The following HSPD1 variants were observed in gnomAD, a reference collection of about 807,000 sequenced individuals.
HSPD1 encodes heat shock protein family D (Hsp60) member 1.
Under a neutral mutation model 53.0 loss-of-function variants are expected in HSPD1, and 3 were observed. That is an observed-to-expected ratio of 0.06 (90% confidence interval 0.03 to 0.15). The LOEUF (loss-of-function observed/expected upper bound fraction) is 0.15, where lower values mean the gene tolerates loss of function less well. Among genes scored for constraint, HSPD1 ranks in the 10% least tolerant of loss-of-function variants. The pLI is 1.00. For missense variants in HSPD1, 431 were observed against 694.1 expected (o/e 0.62, Z 4.26); for synonymous variants, 200 against 228.0 (o/e 0.88, Z 1.10).
In HSPD1 at chr2:197,498,787, T is replaced by G. The variant is rs780655407; in HGVS notation, c.62A>C (p.His21Pro). 3.1e-6 allele frequency: 5 copies of G among 1,614,166 alleles called. No homozygotes were observed. Among genetic ancestry groups the G allele is most frequent in the Non-Finnish European group, 3.4e-6 (4 of 1,180,018 alleles). The change falls in exon 2 of 12, where the codon CAT (histidine) becomes CCT (proline). Residue 21 changes from histidine (H) to proline (P), a missense_variant. Transcript: ENST00000388968. Reference protein sequence around the residue: ...MRPVSRVLAPHLTRAYAKDVK... With the variant: ...MRPVSRVLAPPLTRAYAKDVK... ...ATCTTTGGCATAAGCCCGAGTGAGA[T>G]GAGGAGCCAGTACCCTGGACACCGG...
In HSPD1 at chr2:197,489,029, T is replaced by G; in HGVS notation, c.1188A>C (p.Lys396Asn). Residue 396 changes from lysine to asparagine, a missense_variant, in exon 9 of 12, where the codon AAA becomes AAC. Coordinates refer to ENST00000388968, the MANE Select transcript of HSPD1 (RefSeq NM_002156.5). ...TCAGCACAGCCACTCCATCTGAAAG[T>G]TTTGCAAGCCGTTCATTCAGTTTTT... ...EKEKLNERLAKLSDGVAVLKV... is the reference protein window; with the variant it reads ...EKEKLNERLANLSDGVAVLKV... 1 of 1,613,948 alleles carries G rather than the reference T, an allele frequency of 6.2e-7. No homozygotes were observed. Among genetic ancestry groups the G allele is most frequent in the Non-Finnish European group, 8.5e-7 (1 of 1,179,848 alleles).
rs777390686 is a variant in HSPD1 at position 197,493,338 on chromosome 2, T to A, written c.855A>T (p.Thr285=). The A allele has an allele frequency of 1.2e-5, 20 of 1,611,772 alleles. No homozygotes were observed. The highest frequency in any genetic ancestry group is 1.6e-5 in the Non-Finnish European group (19 of 1,179,254). Residue 285 remains threonine, a synonymous_variant, in exon 7 of 12, where the codon ACA becomes ACT. Transcript: ENST00000388968. ...CTGCTTATTACCTATTCAAGACGAG[T>A]GTACTTAGAGCTTCTCCATCAACAT... is the stretch of plus-strand genomic sequence containing the variant. ...AEDVDGEALS[T]LVLNRLKVGL...
rs575744760 is a variant in HSPD1, at chr2:197,495,450, T to C, written c.428-74A>G. 1.1e-5 allele frequency: 12 copies of C among 1,089,450 alleles called. No homozygotes were observed. In the Admixed American group the frequency reaches 2.1e-4, roughly 20 times the overall value. 67.5% of individuals were successfully genotyped at this position (1,089,450 alleles called of 1,614,324 possible). Reference sequence around the variant, plus strand: ...CTATGTCAAGTAGAAATCTTGAGATTTGTGACAAATATTTTAATGCCTTAA... The same window carrying C: ...CTATGTCAAGTAGAAATCTTGAGATCTGTGACAAATATTTTAATGCCTTAA... On this transcript the variant is annotated intron_variant, in intron 3 of 11. Transcript: ENST00000388968.
chr2:197,489,045 T>C lies in HSPD1; in HGVS notation c.1172A>G (p.Asn391Ser). The C allele has an allele frequency of 6.2e-7, 1 of 1,613,932 alleles. No homozygotes were observed. The change falls in exon 9 of 12, where the codon AAT (asparagine) becomes AGT (serine). Residue 391 changes from asparagine (N) to serine (S), a missense_variant. By Grantham distance (46) the Asn-to-Ser change is conservative. Coordinates refer to ENST00000388968, the MANE Select transcript of HSPD1 (RefSeq NM_002156.5). ...TTSEYEKEKL[N>S]ERLAKLSDGV... ...ATCTGAAAGTTTTGCAAGCCGTTCA[T>C]TCAGTTTTTCCTTTTCATATTCACT... is the stretch of plus-strand genomic sequence containing the variant.
chr2:197,487,187 A>G lies in HSPD1; in HGVS notation c.1581T>C (p.Thr527=). 6.2e-7 allele frequency: 1 copy of G among 1,613,402 alleles called. No individual in the cohort carries two copies. ...GIIDPTKVVR[T]ALLDAAGVAS... ...CCACACCAGCAGCATCCAATAAAGCAGTTCTCACAACCTAGAAAAAAATTT... is the reference window on the plus strand; with the variant it reads ...CCACACCAGCAGCATCCAATAAAGCGGTTCTCACAACCTAGAAAAAAATTT... Residue 527 remains threonine, a synonymous_variant, in exon 12 of 12, where the codon ACT becomes ACC. Transcript: ENST00000388968.
chr2:197,498,114 G>A (rs1234773863), intron 2 of HSPD1, among the ~76,000 whole-genome samples: 1 of 152,164 alleles, frequency 6.6e-6, no homozygotes, highest in Non-Finnish European at 1.5e-5. Context: ...AGGAGAGAAT[G>A]GGAAGCTACT....
chr2:197,491,906 A>C (rs1363058147), intron 7 of HSPD1, among the ~76,000 whole-genome samples: 3 of 152,224 alleles, frequency 2.0e-5, no homozygotes, highest in African/African-American at 7.2e-5. Flanking sequence ...TGGGAGGCTG[A>C]GGTGGGAGAA....
chr2:197,498,108 G>C (rs2086181576), intron 2 of HSPD1, among the ~76,000 whole-genome samples: 1 of 152,184 alleles, frequency 6.6e-6, no homozygotes, highest in Non-Finnish European at 1.5e-5. Context: ...GGGTGGAGGA[G>C]AGAATGGGAA....
In HSPD1 at chr2:197,494,562, TTC is replaced by T. The variant is rs971313366; in HGVS notation, c.606+93_606+94del. ...AAAAGCAGTTTTTAAAACAGAATTT[TTC>T]TGTTTGAAAAATTCAGTTTTGATCA... On this transcript the variant is annotated intron_variant, in intron 5 of 11. Coordinates refer to ENST00000388968, the MANE Select transcript of HSPD1 (RefSeq NM_002156.5). 9.4e-5 allele frequency: 82 copies of T among 873,944 alleles called. 1 individual carries two copies. The African/African-American group carries it at 1.2e-3, about 12-fold the overall frequency. The allele number at this position is 873,944 out of a possible 1,614,324, so 54.1% of individuals were successfully genotyped here.
chr2:197,500,268 T>A, upstream of HSPD1: 1 of 854,542 alleles, frequency 1.2e-6, no homozygotes, highest in Middle Eastern at 3.5e-4. Context: ...GCGGTGCGCG[T>A]CGGGGCGACC....
chr2:197,494,717 A>C lies in HSPD1; in HGVS notation c.546T>G (p.Ile182Met). The C allele has an allele frequency of 2.5e-6, 4 of 1,613,214 alleles. No homozygotes were observed. Among genetic ancestry groups the C allele is most frequent in the Non-Finnish European group, 3.4e-6 (4 of 1,179,242 alleles). ...ATISANGDKE[I>M]GNIISDAMKK... Reference sequence around the variant, plus strand: ...TCATTGCATCAGAGATGATATTGCCAATTTCTTTGTCTCCGTTTGCAGAAA... The same window carrying C: ...TCATTGCATCAGAGATGATATTGCCCATTTCTTTGTCTCCGTTTGCAGAAA... Residue 182 changes from isoleucine (I) to methionine (M), a missense_variant, in exon 5 of 12, where the codon ATT becomes ATG. Ile to Met is a conservative substitution (Grantham distance 10, BLOSUM62 1). This residue lies in a region of HSPD1 where 386 missense variants were observed against 657.6 expected (regional missense o/e 0.59). Transcript: ENST00000388968.
intron 3 of HSPD1, among the ~76,000 whole-genome samples, chr2:197,496,626 GTTAA>G (rs1244189421): frequency 6.6e-6 from 1 of 152,176 alleles, no homozygotes; most frequent in East Asian, 1.9e-4. Flanking sequence ...GGAGCAAATT[GTTAA>G]TTAAGTTGCA....
At position 197,491,045 on chromosome 2, in the gene HSPD1, A is replaced by G. The variant is rs181833932; in HGVS notation, c.870-749T>C. 4.3e-3 allele frequency among the ~76,000 whole-genome samples: 655 copies of G among 152,260 alleles called. 3 individuals are homozygous for G. The highest frequency in any genetic ancestry group is 0.015 in the African/African-American group (628 of 41,548). On this transcript the variant is annotated intron_variant, in intron 7 of 11. Coordinates refer to ENST00000388968, the MANE Select transcript of HSPD1 (RefSeq NM_002156.5). ...GTTCAAACTTCAAGACAGCTGGTCT[A>G]TTTTATTAAGGACCCAAATAAAAAT...
chr2:197,499,852 G>C (rs2086222107), upstream of HSPD1: 1 of 152,622 alleles, frequency 6.6e-6, no homozygotes, highest in African/African-American at 2.4e-5. Flanking sequence ...CAGAGTGCAG[G>C]GCGCACACCG....
intron 7 of HSPD1, among the ~76,000 whole-genome samples, chr2:197,492,026 G>C (rs1011941811): frequency 1.3e-5 from 2 of 152,198 alleles, no homozygotes; most frequent in African/African-American, 2.4e-5. Context: ...GTGTGCTTGT[G>C]CAAGTGTGTA....
At chr2:197,494,959 C>G (rs1174265018) in intron 4 of HSPD1, 1 of 608,394 alleles carries the variant, frequency 1.6e-6, no homozygotes, top group Non-Finnish European at 2.9e-6. Context: ...GAATATGATA[C>G]ATAAAACTAT....
intron 4 of HSPD1, chr2:197,495,012 T>G: frequency 1.7e-6 from 1 of 595,472 alleles, no homozygotes; most frequent in East Asian, 2.8e-5. Flanking sequence ...CATTACAAAC[T>G]GACAAAACTT....
In HSPD1 at chr2:197,488,399, A is replaced by G. The variant is rs2086052426; in HGVS notation, c.1308T>C (p.Ile436=). Residue 436 remains isoleucine (I), a synonymous_variant, in exon 10 of 12, where the codon ATT becomes ATC. Coordinates refer to ENST00000388968, the MANE Select transcript of HSPD1 (RefSeq NM_002156.5). ...NATRAAVEEG[I]VLGGGCALLR... Reference sequence around the variant, plus strand: ...GGAGGGCACAACCCCCTCCCAAAACAATGCCTTCTTCAACAGCAGCTCTTG... The same window carrying G: ...GGAGGGCACAACCCCCTCCCAAAACGATGCCTTCTTCAACAGCAGCTCTTG... The G allele has an allele frequency of 1.2e-6, 2 of 1,613,726 alleles. No individual in the cohort carries two copies. Among genetic ancestry groups the G allele is most frequent in the South Asian group, 2.2e-5 (2 of 91,080 alleles).
chr2:197,496,078 T>A (rs2086153762), intron 3 of HSPD1, among the ~76,000 whole-genome samples: 1 of 152,206 alleles, frequency 6.6e-6, no homozygotes, highest in Non-Finnish European at 1.5e-5. Flanking sequence ...AGAAGTACAG[T>A]TCTTAAATGA....
Sources: gnomAD v4.1 joint callset for allele counts (sites outside exome capture counted in the v4.1 genomes callset) on GRCh38, gnomAD v4.1.1 for gene constraint, gnomAD v4.1.1 regional missense constraint, MANE v1.5 for transcripts, NCBI Gene and HGNC (gene_info 2026-07-23, HGNC 2026-07-21) for gene names.